Variants in RBFOX1 observed in about 807,000 individuals in gnomAD.
RBFOX1 encodes the protein RNA binding fox-1 homolog 1, also known as RNA binding protein fox-1 homolog 1.
Under a neutral mutation model 57.7 loss-of-function variants are expected in RBFOX1, and 8 were observed. The observed-to-expected ratio is 0.14, with a 90% CI of 0.08 to 0.25. The LOEUF is 0.25. RBFOX1 is among the 10% of genes least tolerant of loss of function. The pLI, the probability that RBFOX1 is intolerant of heterozygous loss-of-function variation, is 1.00. For missense variants in RBFOX1, 611 were observed against 548.5 expected (o/e 1.11, Z -1.14); for synonymous variants, 326 against 222.4 (o/e 1.47, Z -4.15).
At chr16:6,632,100 TG>T (rs2098391931) in intron 2 of RBFOX1, among the ~76,000 whole-genome samples, 2 of 152,170 alleles carry the variant, frequency 1.3e-5, no homozygotes, top group Non-Finnish European at 2.9e-5. Flanking sequence ...GTTTGGTTTC[TG>T]AGTCTGTCCC....
chr16:6,691,926 G>T (rs1568235098), intron 3 of RBFOX1, among the ~76,000 whole-genome samples: 1 of 152,176 alleles, frequency 6.6e-6, no homozygotes, highest in Non-Finnish European at 1.5e-5. Context: ...TATGGAGGAA[G>T]GGGCCATGGG....
intron 2 of RBFOX1, among the ~76,000 whole-genome samples, chr16:6,441,974 A>G (rs1240780295): frequency 2.0e-5 from 3 of 152,318 alleles, no homozygotes; most frequent in Non-Finnish European, 4.4e-5. Context: ...TGGAATGACA[A>G]TTCCACATGC....
chr16:5,927,684 G>A lies in RBFOX1; in HGVS notation c.351+60349G>A, dbSNP rs367725683. 2.6e-4 allele frequency among the ~76,000 whole-genome samples: 40 copies of A among 152,338 alleles called. No homozygotes were observed. In the East Asian group the frequency reaches 3.7e-3, roughly 14 times the overall value. The stretch of plus-strand genomic sequence containing the variant: ...CAGCACTATTCACAACAGTCAAAAT[G>A]TGGAATCAGTGTAAGTGTCCTGCAA... On this transcript the variant is annotated intron_variant, in intron 4 of 19. Coordinates refer to the RBFOX1 transcript ENST00000641259.
intron 4 of RBFOX1, among the ~76,000 whole-genome samples, chr16:7,349,371 A>G (rs1261424003): frequency 6.6e-6 from 1 of 152,158 alleles, no homozygotes; most frequent in Non-Finnish European, 1.5e-5. Context: ...TTTCTCTCTT[A>G]AAAACTAAAT....
chr16:6,536,857 A>C (rs543360065), intron 2 of RBFOX1, among the ~76,000 whole-genome samples: 11 of 152,342 alleles, frequency 7.2e-5, no homozygotes, highest in Non-Finnish European at 1.5e-4. Flanking sequence ...GGAATTAAAT[A>C]ATGATAACAT....
intron 4 of RBFOX1, among the ~76,000 whole-genome samples, chr16:7,455,115 T>A (rs370112177): frequency 6.6e-6 from 1 of 152,338 alleles, no homozygotes; most frequent in East Asian, 1.9e-4. Flanking sequence ...TCTGCCATCT[T>A]GAAGCCTCAG....
At chr16:7,278,572 G>C (rs572176829) in intron 4 of RBFOX1, among the ~76,000 whole-genome samples, 1 of 152,106 alleles carries the variant, frequency 6.6e-6, no homozygotes. Flanking sequence ...TCTGTGGGAT[G>C]CATTTATTTC....
At position 6,273,216 on chromosome 16, in the gene RBFOX1, G is replaced by A. The variant is rs144787621; in HGVS notation, c.-126-43779G>A. 2.6e-5 allele frequency among the ~76,000 whole-genome samples: 4 copies of A among 151,710 alleles called. No homozygotes were observed. The East Asian group carries it at 5.9e-4, about 22-fold the overall frequency. The stretch of plus-strand genomic sequence containing the variant: ...AGAGGTTGCAGTGAGCCATGATCAT[G>A]CCACTGTACTCCAGCCTGGGCAGCA... On this transcript the variant is annotated intron_variant, in intron 1 of 15. Coordinates refer to ENST00000550418, the MANE Select transcript of RBFOX1 (RefSeq NM_018723.4).
intron 4 of RBFOX1, among the ~76,000 whole-genome samples, chr16:7,444,845 T>A (rs549764819): frequency 6.6e-6 from 1 of 152,198 alleles, no homozygotes; most frequent in Non-Finnish European, 1.5e-5. Context: ...ATTTTACTCT[T>A]AATCCTGGCC....
At chr16:7,368,404 C>G (rs1404181332) in intron 4 of RBFOX1, among the ~76,000 whole-genome samples, 3 of 152,120 alleles carry the variant, frequency 2.0e-5, no homozygotes, top group South Asian at 2.1e-4. Context: ...TACCAGAAAA[C>G]CAGCATCATT....
intron 4 of RBFOX1, among the ~76,000 whole-genome samples, chr16:5,909,808 T>A (rs1201075839): frequency 6.6e-6 from 1 of 152,122 alleles, no homozygotes; most frequent in Non-Finnish European, 1.5e-5. Context: ...TCTCAGCACT[T>A]TGGGAGACCG....
rs147800904 is a variant in RBFOX1, at chr16:5,266,898, T to G, written c.219+26793T>G. Reference sequence around the variant, plus strand: ...GTAAGGAAAGTACTGTGTTGACCTCTTCTATGTGCACATTTCTTTAAGTAA... The same window carrying G: ...GTAAGGAAAGTACTGTGTTGACCTCGTCTATGTGCACATTTCTTTAAGTAA... On this transcript the variant is annotated intron_variant, in intron 1 of 2. Transcript: ENST00000585867. Among the ~76,000 whole-genome samples the G allele has an allele frequency of 1.9e-4, 29 of 152,224 alleles. No homozygotes were observed. In the East Asian group the frequency reaches 5.6e-3, roughly 29 times the overall value.
intron 3 of RBFOX1, among the ~76,000 whole-genome samples, chr16:5,688,094 A>G (rs950838696): frequency 3.3e-5 from 5 of 152,220 alleles, no homozygotes; most frequent in African/African-American, 1.2e-4. Context: ...CACATTGTGA[A>G]AAGTATTTCA....
At chr16:6,356,192 C>T (rs1416378410) in intron 2 of RBFOX1, among the ~76,000 whole-genome samples, 1 of 152,208 alleles carries the variant, frequency 6.6e-6, no homozygotes, top group Non-Finnish European at 1.5e-5. Flanking sequence ...CATCTTTAAG[C>T]ACTGCTTTTA....
Position 6,056,114 on chromosome 16 carries a change from G to A in RBFOX1, c.-127+36122G>A, listed in dbSNP as rs113534255. On this transcript the variant is annotated intron_variant, in intron 1 of 15. Coordinates refer to ENST00000550418, the MANE Select transcript of RBFOX1 (RefSeq NM_018723.4). ...AAATCTAAGTGATGCCAGTATAAAC[G>A]GCGGGAAAATATCTGTCCATAGCTG... 3.0e-3 allele frequency among the ~76,000 whole-genome samples: 456 copies of A among 152,212 alleles called. 1 individual carries two copies. Among genetic ancestry groups the A allele is most frequent in the Non-Finnish European group, 4.3e-3 (293 of 68,010 alleles).
chr16:6,119,274 C>T (rs1455476906), intron 1 of RBFOX1, among the ~76,000 whole-genome samples: 1 of 152,010 alleles, frequency 6.6e-6, no homozygotes, highest in African/African-American at 2.4e-5. Flanking sequence ...TATTTCTCAG[C>T]TCAGATTATC....
At chr16:6,408,243 G>A (rs1293103750) in intron 2 of RBFOX1, among the ~76,000 whole-genome samples, 1 of 152,046 alleles carries the variant, frequency 6.6e-6, no homozygotes, top group Non-Finnish European at 1.5e-5. Context: ...TAAAAGAAAA[G>A]CACTTTATTC....
chr16:5,467,250 G>A, exon 2 of RBFOX1: 1 of 1,496,442 alleles, frequency 6.7e-7, no homozygotes, highest in Non-Finnish European at 9.0e-7. Flanking sequence ...CTGGTTGAGG[G>A]TCAGGTAAGT....
At chr16:6,420,180 A>G (rs1416764566) in intron 2 of RBFOX1, among the ~76,000 whole-genome samples, 1 of 151,898 alleles carries the variant, frequency 6.6e-6, no homozygotes, top group Non-Finnish European at 1.5e-5. Flanking sequence ...TGAAAGGGAG[A>G]ACTCTTTCCC....
Sources: allele counts gnomAD v4.1 joint callset (sites outside exome capture counted in the v4.1 genomes callset), GRCh38; gene constraint gnomAD v4.1.1; transcripts MANE v1.5; gene names NCBI Gene and HGNC (gene_info 2026-07-23, HGNC 2026-07-21).